Variants in ROR1 observed in about 807,000 individuals in gnomAD.
The protein encoded by ROR1 is ROR family WNT receptor 1.
In ROR1, 19 loss-of-function variants were observed where a neutral mutation model predicts 78.8. The observed-to-expected ratio is 0.24, with a 90% CI of 0.17 to 0.35. The LOEUF (loss-of-function observed/expected upper bound fraction) is 0.35. ROR1 is among the 10% of genes least tolerant of loss of function. The pLI is 1.00. For missense variants in ROR1, 917 were observed against 1,177.8 expected, an observed-to-expected ratio of 0.78 and a Z score of 3.24; for synonymous variants, 386 against 433.6, an observed-to-expected ratio of 0.89 and a Z score of 1.36.
chr1:64,139,314 C>A (rs910633708), intron 5 of ROR1, among the ~76,000 whole-genome samples: 1 of 151,748 alleles, frequency 6.6e-6, no homozygotes, highest in Admixed American at 6.6e-5. Flanking sequence ...TTTATCCCAG[C>A]GTTTCCCAAA....
intron 1 of ROR1, among the ~76,000 whole-genome samples, chr1:63,846,518 C>T (rs561387456): frequency 2.0e-5 from 3 of 152,132 alleles, no homozygotes; most frequent in African/African-American, 7.2e-5. Flanking sequence ...GGTTTCCCAA[C>T]CAGATGTACT....
chr1:63,837,200 G>A lies in ROR1; in HGVS notation c.91+62692G>A, dbSNP rs576504036. ...AGATTTGTTTTCATTTTATTACTAC[G>A]TATGAATTTGACCTCCACAGTAGGG... is the stretch of plus-strand genomic sequence containing the variant. On this transcript the variant is annotated intron_variant, in intron 1 of 8. Transcript: ENST00000371079. Among the ~76,000 whole-genome samples the A allele has an allele frequency of 5.3e-5, 8 of 152,248 alleles. 1 individual carries two copies. The highest frequency in any genetic ancestry group is 1.7e-4 in the African/African-American group (7 of 41,546).
At chr1:64,012,218 C>T (rs1421416130) in intron 2 of ROR1, among the ~76,000 whole-genome samples, 3 of 152,092 alleles carry the variant, frequency 2.0e-5, no homozygotes, top group African/African-American at 7.2e-5. Context: ...GAGTTGGAGC[C>T]ACAGGAAACA....
chr1:63,780,775 T>C (rs540723920), intron 1 of ROR1, among the ~76,000 whole-genome samples: 1 of 152,314 alleles, frequency 6.6e-6, no homozygotes, highest in South Asian at 2.1e-4. Flanking sequence ...ACAAAGGCTT[T>C]TTTCAGAACA....
intron 7 of ROR1, among the ~76,000 whole-genome samples, chr1:64,156,764 A>C (rs1160743600): frequency 6.6e-6 from 1 of 151,486 alleles, no homozygotes; most frequent in African/African-American, 2.4e-5. Flanking sequence ...GCAAAACTTC[A>C]GTGTTATTCC....
intron 2 of ROR1, among the ~76,000 whole-genome samples, chr1:64,013,040 C>T (rs1446168787): frequency 6.6e-6 from 1 of 152,144 alleles, no homozygotes; most frequent in Non-Finnish European, 1.5e-5. Context: ...TTTAGCAAGC[C>T]TCTCAACCTA....
At chr1:63,871,134 CATT>C (rs1247382733) in intron 1 of ROR1, among the ~76,000 whole-genome samples, 3 of 152,174 alleles carry the variant, frequency 2.0e-5, no homozygotes, top group Admixed American at 6.5e-5. Context: ...TCCTGCTTCA[CATT>C]ATAATTTTAT....
At chr1:64,086,729 T>C (rs1011302912) in intron 4 of ROR1, among the ~76,000 whole-genome samples, 2 of 152,140 alleles carry the variant, frequency 1.3e-5, no homozygotes, top group African/African-American at 4.8e-5. Flanking sequence ...AATAAGTGCT[T>C]TTTTTCTCCT....
intron 1 of ROR1, among the ~76,000 whole-genome samples, chr1:63,832,306 G>C (rs923174290): frequency 2.0e-5 from 3 of 152,098 alleles, no homozygotes; most frequent in African/African-American, 7.2e-5. Context: ...CTTCTATCAG[G>C]ACCAATTTTC....
At chr1:64,145,130 T>C (rs1649440745) in intron 7 of ROR1, among the ~76,000 whole-genome samples, 1 of 152,184 alleles carries the variant, frequency 6.6e-6, no homozygotes, top group Non-Finnish European at 1.5e-5. Flanking sequence ...AGTCAACATA[T>C]GTAAATAAAT....
intron 2 of ROR1, among the ~76,000 whole-genome samples, chr1:64,045,331 TAA>T (rs56279322): frequency 9.4e-4 from 142 of 151,574 alleles, no homozygotes; most frequent in African/African-American, 2.3e-3. Context: ...TATTCAATAA[TAA>T]AAAAAAAATG....
intron 2 of ROR1, among the ~76,000 whole-genome samples, chr1:64,028,718 T>G (rs1485196820): frequency 6.6e-6 from 1 of 152,246 alleles, no homozygotes; most frequent in East Asian, 1.9e-4. Flanking sequence ...GGTACAGGTG[T>G]GCAATGCATA....
intron 1 of ROR1, among the ~76,000 whole-genome samples, chr1:63,781,725 G>A (rs1266143194): frequency 6.6e-6 from 1 of 152,228 alleles, no homozygotes; most frequent in Non-Finnish European, 1.5e-5. Context: ...TGAGCGCTCA[G>A]TGAGTGTTCT....
chr1:63,866,404 C>T (rs1442955909), intron 1 of ROR1, among the ~76,000 whole-genome samples: 2 of 152,152 alleles, frequency 1.3e-5, no homozygotes, highest in Admixed American at 1.3e-4. Context: ...CATTGCAAAA[C>T]CCACCAAGGT....
intron 1 of ROR1, among the ~76,000 whole-genome samples, chr1:63,973,741 T>C (rs1407559914): frequency 1.3e-5 from 2 of 152,174 alleles, no homozygotes; most frequent in Non-Finnish European, 2.9e-5. Context: ...TCTGGGAATA[T>C]GCATCTTAAC....
At chr1:63,971,741 G>T (rs1646121128) in intron 1 of ROR1, among the ~76,000 whole-genome samples, 1 of 152,172 alleles carries the variant, frequency 6.6e-6, no homozygotes, top group Admixed American at 6.5e-5. Flanking sequence ...GGAATGGTCT[G>T]TCTGGCAGTG....
At chr1:63,927,625 C>T (rs1336322941) in intron 1 of ROR1, among the ~76,000 whole-genome samples, 1 of 151,466 alleles carries the variant, frequency 6.6e-6, no homozygotes, top group East Asian at 1.9e-4. Flanking sequence ...TTGATATCCT[C>T]ATTTTAGACG....
intron 1 of ROR1, among the ~76,000 whole-genome samples, chr1:63,881,121 G>T (rs1025051272): frequency 6.6e-6 from 1 of 152,156 alleles, no homozygotes; most frequent in Admixed American, 6.5e-5. Flanking sequence ...TGGTGATGCT[G>T]CTGGCCCTTA....
intron 1 of ROR1, among the ~76,000 whole-genome samples, chr1:64,001,983 TG>T (rs1204009043): frequency 6.6e-6 from 1 of 152,140 alleles, no homozygotes; most frequent in East Asian, 1.9e-4. Context: ...CTCGTTGTGG[TG>T]GGGGTGGTGG....
Sources: gnomAD v4.1 joint callset for allele counts (sites outside exome capture counted in the v4.1 genomes callset) on GRCh38, gnomAD v4.1.1 for gene constraint, MANE v1.5 for transcripts, NCBI Gene and HGNC (gene_info 2026-07-23, HGNC 2026-07-21) for gene names.